Variants in GRK3 observed in about 807,000 individuals in gnomAD.
The protein encoded by GRK3 is adrenergic, beta, receptor kinase 2.
GRK3 carries 54 observed loss-of-function variants against 95.7 expected under a neutral mutation model. That is an observed-to-expected ratio of 0.56 (90% CI 0.45 to 0.71). The LOEUF (loss-of-function observed/expected upper bound fraction) is 0.71. Among genes scored for constraint, GRK3 ranks in the 30% least tolerant of loss-of-function variants. The pLI is 0.00. For synonymous variants in GRK3, 281 were observed against 290.8 expected (o/e 0.97, Z 0.34); for missense variants, 649 against 851.2 (o/e 0.76, Z 2.96).
intron 1 of GRK3, among the ~76,000 whole-genome samples, chr22:25,587,701 C>T (rs1257725873): frequency 6.6e-6 from 1 of 152,148 alleles, no homozygotes; most frequent in South Asian, 2.1e-4. Context: ...GTGGGAGGGA[C>T]CTGGTGGGAA....
intron 13 of GRK3, among the ~76,000 whole-genome samples, chr22:25,701,823 G>C (rs1178365312): frequency 1.3e-5 from 2 of 152,084 alleles, no homozygotes; most frequent in Non-Finnish European, 2.9e-5. Context: ...GGGAGACTAA[G>C]GTTTTCATAA....
At chr22:25,576,392 T>C (rs1407188327) in intron 1 of GRK3, among the ~76,000 whole-genome samples, 1 of 152,234 alleles carries the variant, frequency 6.6e-6, no homozygotes, top group Non-Finnish European at 1.5e-5. Context: ...TTTCCCATTG[T>C]AATTGGTGGG....
At chr22:25,614,849 A>C in intron 2 of GRK3, among the ~76,000 whole-genome samples, 1 of 152,216 alleles carries the variant, frequency 6.6e-6, no homozygotes, top group Non-Finnish European at 1.5e-5. Flanking sequence ...TCAATCAAAT[A>C]TATTTGAGTC....
chr22:25,566,443 TG>T, intron 1 of GRK3, among the ~76,000 whole-genome samples: 1 of 152,342 alleles, frequency 6.6e-6, no homozygotes, highest in South Asian at 2.1e-4. Flanking sequence ...CCTTGTTATT[TG>T]TTGTGAAAAG....
At chr22:25,646,093 A>G (rs1186518437) in intron 3 of GRK3, among the ~76,000 whole-genome samples, 1 of 152,170 alleles carries the variant, frequency 6.6e-6, no homozygotes, top group East Asian at 1.9e-4. Context: ...ACATTATATA[A>G]GGACTCTATA....
chr22:25,591,740 C>T (rs796281785), intron 1 of GRK3, among the ~76,000 whole-genome samples: 1 of 152,136 alleles, frequency 6.6e-6, no homozygotes, highest in African/African-American at 2.4e-5. Flanking sequence ...TGTAATCAAA[C>T]GTTGTGTACT....
chr22:25,623,005 G>A (rs1160782697), intron 2 of GRK3, among the ~76,000 whole-genome samples: 2 of 152,112 alleles, frequency 1.3e-5, no homozygotes, highest in Admixed American at 1.3e-4. Context: ...GCGGTGGCGC[G>A]ATCTTGGCTC....
intron 1 of GRK3, among the ~76,000 whole-genome samples, chr22:25,591,672 T>C (rs937007336): frequency 1.3e-5 from 2 of 152,182 alleles, no homozygotes; most frequent in Non-Finnish European, 2.9e-5. Context: ...AGACAAAAAC[T>C]AAATATATTT....
At chr22:25,653,380 A>G (rs781449459) in intron 3 of GRK3, among the ~76,000 whole-genome samples, 32 of 152,252 alleles carry the variant, frequency 2.1e-4, no homozygotes, top group Non-Finnish European at 3.1e-4. Context: ...CTACACTAGT[A>G]TCAGGCAAAC....
At chr22:25,678,251 G>A (rs1173674288) in intron 8 of GRK3, among the ~76,000 whole-genome samples, 3 of 152,062 alleles carry the variant, frequency 2.0e-5, no homozygotes, top group Admixed American at 6.5e-5. Context: ...TCAGGAGATC[G>A]AGACCATCCT....
chr22:25,687,238 G>A (rs1403296222), intron 10 of GRK3, among the ~76,000 whole-genome samples: 1 of 151,944 alleles, frequency 6.6e-6, no homozygotes, highest in African/African-American at 2.4e-5. Flanking sequence ...GGTAATCAAA[G>A]CAGGTTAGCT....
At chr22:25,647,627 A>G (rs1403681489) in intron 3 of GRK3, 1 of 1,485,990 alleles carries the variant, frequency 6.7e-7, no homozygotes, top group Non-Finnish European at 9.4e-7. Context: ...CAAATAATTA[A>G]CAATACAGAA....
At chr22:25,604,038 G>A (rs879285205) in intron 1 of GRK3, among the ~76,000 whole-genome samples, 8 of 152,146 alleles carry the variant, frequency 5.3e-5, no homozygotes, top group African/African-American at 1.4e-4. Context: ...TGGTGTGTAC[G>A]TGTAGGGTGT....
intron 1 of GRK3, among the ~76,000 whole-genome samples, chr22:25,591,453 A>G (rs1932485640): frequency 6.6e-6 from 1 of 152,084 alleles, no homozygotes. Flanking sequence ...AGCCTCCCTG[A>G]GGTCAGGGGA....
rs768367124 is a variant in GRK3 at position 25,728,878 on chromosome 22, C to CA, written c.*6429dup. On this transcript the variant is annotated 3_prime_UTR_variant, in exon 21 of 21. Coordinates refer to ENST00000324198, the MANE Select transcript of GRK3 (RefSeq NM_005160.4). ...CTGTGAGAGAACGTGCCTCCTCACT[C>CA]ATTTGTCTCTGTCTGTTTTCATAGC... 5.9e-5 allele frequency: 9 copies of CA among 152,228 alleles called. No homozygotes were observed. The highest frequency in any genetic ancestry group is 1.3e-4 in the Non-Finnish European group (9 of 68,020). 9.4% of individuals were successfully genotyped at this position (152,228 alleles called of 1,614,324 possible).
chr22:25,696,842 C>G (rs2085212967), intron 13 of GRK3, among the ~76,000 whole-genome samples: 1 of 152,200 alleles, frequency 6.6e-6, no homozygotes, highest in Non-Finnish European at 1.5e-5. Flanking sequence ...TCTGTTATTC[C>G]TTAATTGAAT....
intron 2 of GRK3, 45 bp from the exon 3 acceptor site, chr22:25,644,547 T>TAATTTATTAATTAATTAA: frequency 1.0e-6 from 1 of 966,184 alleles, no homozygotes. Flanking sequence ...GGGATAAAAT[T>TAATTTATTAATTAATTAA]TCAATTAATT....
At position 25,710,332 on chromosome 22, in the gene GRK3, G is replaced by T. The variant is rs142320076; in HGVS notation, c.1395+368G>T. ...CTTCTTCTTGAATTCTTATCTCAAT[G>T]TGACTGTATTTTTACATAGATCTCT... On this transcript the variant is annotated intron_variant, in intron 16 of 20. Transcript: ENST00000324198. Among the ~76,000 whole-genome samples, 155 of 152,150 alleles carry T rather than the reference G, an allele frequency of 1.0e-3. 1 individual carries two copies. In the Middle Eastern group the frequency reaches 0.024, roughly 23 times the overall value.
chr22:25,675,581 G>A (rs1397168426), intron 8 of GRK3, among the ~76,000 whole-genome samples: 1 of 152,168 alleles, frequency 6.6e-6, no homozygotes, highest in Non-Finnish European at 1.5e-5. Flanking sequence ...AGAGCAGTGG[G>A]CTTGGTGGAG....
Sources: allele counts gnomAD v4.1 joint callset (sites outside exome capture counted in the v4.1 genomes callset), GRCh38; gene constraint gnomAD v4.1.1; transcripts MANE v1.5; gene names NCBI Gene and HGNC (gene_info 2026-07-23, HGNC 2026-07-21).